Variants in VCF1 observed in about 807,000 individuals in gnomAD.
The protein encoded by VCF1 is protein VCF1.
the VCF1 span, chr17:73,229,226 A>G: frequency 1.0e-6 from 1 of 985,454 alleles, no homozygotes; most frequent in Non-Finnish European, 1.2e-6. Context: ...CAGATTAAGA[A>G]AGAGTCCTAC....
At chr17:73,211,141 GT>G in the VCF1 span, among the ~76,000 whole-genome samples, 1 of 152,050 alleles carries the variant, frequency 6.6e-6, no homozygotes, top group South Asian at 2.1e-4. Context: ...TTACAACTAG[GT>G]AAAGTCTACA....
the VCF1 span, chr17:73,229,728 C>T: frequency 1.2e-5 from 3 of 255,744 alleles, no homozygotes; most frequent in African/African-American, 2.3e-5. Context: ...GTTAGCAGGG[C>T]GTGGTGGCGT....
chr17:73,212,139 T>C, the VCF1 span, among the ~76,000 whole-genome samples: 1 of 152,262 alleles, frequency 6.6e-6, no homozygotes, highest in African/African-American at 2.4e-5. Context: ...GCAATGTGGT[T>C]ATTATGTATT....
chr17:73,212,785 G>A, the VCF1 span: 1 of 1,405,710 alleles, frequency 7.1e-7, no homozygotes, highest in Non-Finnish European at 9.9e-7. Context: ...AGTAAGTCAA[G>A]TTTTCATCTC....
chr17:73,228,333 G>A, the VCF1 span, among the ~76,000 whole-genome samples: 1 of 152,240 alleles, frequency 6.6e-6, no homozygotes, highest in Admixed American at 6.5e-5. Context: ...TACATTTGGA[G>A]GATATAGTGT....
the VCF1 span, among the ~76,000 whole-genome samples, chr17:73,222,197 CAAAA>C: frequency 7.9e-6 from 1 of 126,024 alleles, no homozygotes; most frequent in Non-Finnish European, 1.6e-5. Context: ...GACCCTGTCT[CAAAA>C]AAAAAAAAAA....
the VCF1 span, chr17:73,227,285 G>GAAAA: frequency 5.5e-6 from 7 of 1,269,850 alleles, no homozygotes; most frequent in African/African-American, 8.1e-5. Flanking sequence ...ATCACAAGGA[G>GAAAA]AAAAAAAAAA....
At chr17:73,228,592 GTAATT>G in the VCF1 span, among the ~76,000 whole-genome samples, 3 of 152,138 alleles carry the variant, frequency 2.0e-5, no homozygotes, top group Non-Finnish European at 2.9e-5. Flanking sequence ...ACTGGGCTAT[GTAATT>G]TACTTCATTC....
chr17:73,216,367 G>C, the VCF1 span, among the ~76,000 whole-genome samples: 1 of 152,214 alleles, frequency 6.6e-6, no homozygotes, highest in Non-Finnish European at 1.5e-5. Flanking sequence ...CCATTGGTGA[G>C]CCTGGCAAAA....
the VCF1 span, among the ~76,000 whole-genome samples, chr17:73,229,065 T>C: frequency 6.6e-6 from 1 of 152,174 alleles, no homozygotes. Context: ...AGAGGGACTG[T>C]AAGAACAAAA....
chr17:73,224,252 C>T, the VCF1 span, among the ~76,000 whole-genome samples: 2 of 93,426 alleles, frequency 2.1e-5, no homozygotes, highest in African/African-American at 8.6e-5. Flanking sequence ...TATAGTGAGA[C>T]GTCGTCTCTC....
At chr17:73,227,283 G>T in the VCF1 span, 1 of 1,410,898 alleles carries the variant, frequency 7.1e-7, no homozygotes. Context: ...AAATCACAAG[G>T]AGAAAAAAAA....
the VCF1 span, chr17:73,207,868 A>G: frequency 1.7e-6 from 2 of 1,204,132 alleles, no homozygotes; most frequent in Non-Finnish European, 1.1e-6. Flanking sequence ...ATTCCCTACC[A>G]TCGAACCCAT....
At chr17:73,219,895 A>C in the VCF1 span, among the ~76,000 whole-genome samples, 1 of 151,386 alleles carries the variant, frequency 6.6e-6, no homozygotes, top group South Asian at 2.1e-4. Context: ...GGATCACCTG[A>C]GCCTGGGGAG....
At chr17:73,212,903 TA>T in the VCF1 span, among the ~76,000 whole-genome samples, 1 of 152,226 alleles carries the variant, frequency 6.6e-6, no homozygotes, top group African/African-American at 2.4e-5. Flanking sequence ...AATTTTTTTT[TA>T]TTTTTTATTT....
At chr17:73,208,463 ATC>A in the VCF1 span, 2 of 1,613,620 alleles carry the variant, frequency 1.2e-6, no homozygotes, top group African/African-American at 1.3e-5. Flanking sequence ...ATGGCAACAC[ATC>A]TGTCTCTCCC....
At chr17:73,208,222 C>T in the VCF1 span, 3 of 1,602,480 alleles carry the variant, frequency 1.9e-6, no homozygotes, top group East Asian at 6.7e-5. Context: ...CTTGTGTGTG[C>T]CGTGTGGACT....
chr17:73,226,863 A>G, the VCF1 span, among the ~76,000 whole-genome samples: 1 of 152,228 alleles, frequency 6.6e-6, no homozygotes, highest in African/African-American at 2.4e-5. Context: ...ACCAGAAAAG[A>G]AGTTCGCTGC....
At chr17:73,214,963 A>G in the VCF1 span, among the ~76,000 whole-genome samples, 5 of 152,238 alleles carry the variant, frequency 3.3e-5, no homozygotes, top group African/African-American at 9.6e-5. Flanking sequence ...TGAATTGTCC[A>G]TTTAGGCTTA....
Sources: allele counts gnomAD v4.1 joint callset (sites outside exome capture counted in the v4.1 genomes callset), GRCh38; gene constraint gnomAD v4.1.1; transcripts MANE v1.5; gene names NCBI Gene and HGNC (gene_info 2026-07-23, HGNC 2026-07-21).